The following ANKRD24 variants were observed in gnomAD, a reference collection of about 807,000 sequenced individuals.
ANKRD24 encodes ankyrin repeat domain 24.
In ANKRD24, 109 loss-of-function variants were observed where a neutral mutation model predicts 127.8. The ratio of observed to expected loss-of-function variants is 0.85; its 90% CI spans 0.73 to 1.00. ANKRD24 has a LOEUF of 1.00. Among genes scored for constraint, ANKRD24 ranks in the 50% least tolerant of loss-of-function variants. The probability of loss-of-function intolerance (pLI) is 0.00; values close to 1 mark genes in which losing one functional copy is unlikely to be tolerated. For missense variants in ANKRD24, 1,648 were observed against 1,570.2 expected, an observed-to-expected ratio of 1.05 and a Z score of -0.84; for synonymous variants, 743 against 671.1, an observed-to-expected ratio of 1.11 and a Z score of -1.66.
Position 4,198,615 on chromosome 19 carries a change from G to GA in ANKRD24, c.37-1067dup. Reference sequence around the variant, plus strand: ...CCCTTCCCCGTCCCCGGCTGACCTGGACCACCCCCCCATTCCAGACCCGGG... The same window carrying GA: ...CCCTTCCCCGTCCCCGGCTGACCTGGAACCACCCCCCCATTCCAGACCCGGG... On this transcript the variant is annotated intron_variant, in intron 2 of 21. Coordinates refer to ENST00000318934, the MANE Select transcript of ANKRD24 (RefSeq NM_001393985.1). The surrounding 1 kb of genome is among the most constrained non-coding windows in gnomAD (Gnocchi z 6.1). The GA allele has an allele frequency of 2.4e-6, 1 of 420,728 alleles. No homozygotes were observed. Among genetic ancestry groups the GA allele is most frequent in the Non-Finnish European group, 4.2e-6 (1 of 237,316 alleles). 26.1% of individuals were successfully genotyped at this position (420,728 alleles called of 1,614,324 possible). A position where few individuals can be genotyped will look rare whatever the true frequency, so the allele number is the denominator to read the frequency against.
intron 7 of ANKRD24, among the ~76,000 whole-genome samples, chr19:4,204,449 G>T (rs572661218): frequency 6.6e-6 from 1 of 152,120 alleles, no homozygotes; most frequent in Non-Finnish European, 1.5e-5. Flanking sequence ...AGGAGCAGTC[G>T]AATGTACTCC....
intron 15 of ANKRD24, among the ~76,000 whole-genome samples, chr19:4,214,976 A>C (rs1969975638): frequency 6.6e-6 from 1 of 152,204 alleles, no homozygotes; most frequent in African/African-American, 2.4e-5. Flanking sequence ...AGCTCTTTGC[A>C]TGCCAAATGG....
Position 4,224,576 on chromosome 19 carries a change from A to T in ANKRD24, c.*71A>T. 1 of 1,441,508 alleles carries T rather than the reference A, an allele frequency of 6.9e-7. No individual in the cohort carries two copies. Among genetic ancestry groups the T allele is most frequent in the Non-Finnish European group, 9.5e-7 (1 of 1,049,034 alleles). 89.3% of individuals were successfully genotyped at this position (1,441,508 alleles called of 1,614,324 possible). ...CCTCACCCCCCTGCAGGCCCCTTGC[A>T]GACCGGCTTCACTTGGCTTCACTTG... On this transcript the variant is annotated 3_prime_UTR_variant, in exon 22 of 22. Transcript: ENST00000318934.
At chr19:4,206,181 A>T (rs925512808) in intron 7 of ANKRD24, among the ~76,000 whole-genome samples, 16 of 141,840 alleles carry the variant, frequency 1.1e-4, no homozygotes, top group African/African-American at 3.8e-4. Flanking sequence ...ATAAATAAAT[A>T]AAATTAAATA....
intron 13 of ANKRD24, among the ~76,000 whole-genome samples, chr19:4,211,895 T>C (rs1019700195): frequency 1.3e-5 from 2 of 151,846 alleles, no homozygotes; most frequent in East Asian, 3.9e-4. Flanking sequence ...TGGCACAAAG[T>C]AGGCACCTAA....
At position 4,217,933 on chromosome 19, in the gene ANKRD24, G is replaced by T; in HGVS notation, c.2773G>T (p.Glu925Ter). Residue 925 changes from glutamate (E) to a stop codon, truncating the protein, a stop_gained, in exon 18 of 22, where the codon GAG becomes TAG. Transcript: ENST00000318934. LOFTEE classifies it high-confidence loss of function. ...CTCTGAGCACCGCCGGCTGCAGGAG[G>T]AGGCCCTGGAGCTGCGGGGCCGGGC... is the stretch of plus-strand genomic sequence containing the variant. ...PASEHRRLQE[E>*]ALELRGRAAS... 6.7e-7 allele frequency: 1 copy of T among 1,498,914 alleles called. No individual in the cohort carries two copies. The highest frequency in any genetic ancestry group is 8.8e-7 in the Non-Finnish European group (1 of 1,131,578). The allele number at this position is 1,498,914 out of a possible 1,614,324, so 92.9% of individuals were successfully genotyped here. A position where few individuals can be genotyped will look rare whatever the true frequency, so the allele number is the denominator to read the frequency against.
At chr19:4,191,254 AGTTCAGCTTTT>A (rs1410146207) in intron 2 of ANKRD24, among the ~76,000 whole-genome samples, 1 of 151,998 alleles carries the variant, frequency 6.6e-6, no homozygotes, top group Non-Finnish European at 1.5e-5. Context: ...GCCGGAGTCA[AGTTCAGCTTTT>A]GTTCAGCAGC....
chr19:4,211,830 T>C (rs891656606), intron 13 of ANKRD24, among the ~76,000 whole-genome samples: 2 of 152,086 alleles, frequency 1.3e-5, no homozygotes, highest in African/African-American at 4.8e-5. Flanking sequence ...GAATGGTGCA[T>C]GCTGGCACAC....
At chr19:4,212,326 G>C in intron 13 of ANKRD24, 149 bp from the exon 14 acceptor site, 2 of 878,516 alleles carry the variant, frequency 2.3e-6, no homozygotes, top group Non-Finnish European at 3.5e-6. Flanking sequence ...GCACTCAATA[G>C]TAATGAGTGA....
intron 13 of ANKRD24, 95 bp from the exon 14 acceptor site, chr19:4,212,380 C>A: frequency 7.1e-7 from 1 of 1,405,198 alleles, no homozygotes; most frequent in Non-Finnish European, 9.7e-7. Flanking sequence ...ACGTGGAATG[C>A]GTGAATGTGC....
intron 2 of ANKRD24, among the ~76,000 whole-genome samples, chr19:4,196,139 G>T (rs1007940952): frequency 8.5e-5 from 13 of 152,166 alleles, no homozygotes; most frequent in Admixed American, 1.3e-4. Context: ...AGCCTCAAAT[G>T]CCCACAGTGC....
rs1479781042 is a variant in ANKRD24 at position 4,198,194 on chromosome 19, C to A, written c.37-1489C>A. The A allele has an allele frequency of 1.7e-6, 1 of 574,522 alleles. No homozygotes were observed. The allele number at this position is 574,522 out of a possible 1,614,324, so 35.6% of individuals were successfully genotyped here. A position where few individuals can be genotyped will look rare whatever the true frequency, so the allele number is the denominator to read the frequency against. On this transcript the variant is annotated intron_variant, in intron 2 of 21. Coordinates refer to ENST00000318934, the MANE Select transcript of ANKRD24 (RefSeq NM_001393985.1). This position sits in a 1 kb window ranked among gnomAD's most constrained non-coding sequence, Gnocchi z 6.1. The stretch of plus-strand genomic sequence containing the variant: ...AGCCGGGCCCCCGGCGCCGCGTCCT[C>A]CTCATCCTCCAGGCGACAAGGTCAG...
intron 11 of ANKRD24, among the ~76,000 whole-genome samples, chr19:4,209,600 C>A (rs1969590238): frequency 6.6e-6 from 1 of 152,148 alleles, no homozygotes; most frequent in Non-Finnish European, 1.5e-5. Flanking sequence ...CAGGCGTGCG[C>A]CACCATGCCC....
chr19:4,200,099 A>T lies in ANKRD24; in HGVS notation c.271A>T (p.Met91Leu), dbSNP rs1336335428. Residue 91 changes from methionine to leucine, a missense_variant, in exon 5 of 22, where the codon ATG (methionine) becomes TTG (leucine). Physicochemically the swap from Met to Leu is conservative, Grantham distance 15 (BLOSUM62 2). Transcript: ENST00000318934. ...EGKSAFHLAAMRGAASCLEVM... is the reference protein window; with the variant it reads ...EGKSAFHLAALRGAASCLEVM... The stretch of plus-strand genomic sequence containing the variant: ...CACCTCCAGGTTCCACCTGGCGGCC[A>T]TGCGGGGTGCGGCCAGCTGTCTGGA... The T allele has an allele frequency of 6.3e-7, 1 of 1,599,254 alleles. No homozygotes were observed. The highest frequency in any genetic ancestry group is 2.3e-5 in the East Asian group (1 of 44,176).
rs780883651 is a variant in ANKRD24 at position 4,199,829 on chromosome 19, G to A, written c.124-46G>A. On this transcript the variant is annotated intron_variant, in intron 3 of 21. Transcript: ENST00000318934. This position sits in a 1 kb window ranked among gnomAD's most constrained non-coding sequence, Gnocchi z 5.2. The stretch of plus-strand genomic sequence containing the variant: ...GCCCCTGTCGGGGGCGTGGGGAGGG[G>A]ACAGCAGCCAACACTGCCCCACGCA... 1 of 1,539,592 alleles carries A rather than the reference G, an allele frequency of 6.5e-7. No individual in the cohort carries two copies.
At chr19:4,209,174 G>A (rs546485976) in intron 11 of ANKRD24, among the ~76,000 whole-genome samples, 195 of 152,154 alleles carry the variant, frequency 1.3e-3, no homozygotes, top group African/African-American at 4.6e-3. Context: ...ACAGTGGCTC[G>A]ATCTTGGCTC....
chr19:4,209,404 G>A (rs377469046), intron 11 of ANKRD24, among the ~76,000 whole-genome samples: 2 of 151,154 alleles, frequency 1.3e-5, no homozygotes, highest in Non-Finnish European at 2.9e-5. Context: ...CACTGAGCGC[G>A]ACCCCTCTCC....
chr19:4,196,302 G>C (rs932538338), intron 2 of ANKRD24, among the ~76,000 whole-genome samples: 1 of 152,126 alleles, frequency 6.6e-6, no homozygotes, highest in South Asian at 2.1e-4. Flanking sequence ...CTGCTGCGTC[G>C]TTGCTCTTAA....
intron 2 of ANKRD24, among the ~76,000 whole-genome samples, chr19:4,193,846 A>AGGTAGGGAGGGAGGGAG: frequency 1.9e-5 from 1 of 51,676 alleles, no homozygotes; most frequent in Non-Finnish European, 3.1e-5. Context: ...GGAGGGAGGG[A>AGGTAGGGAGGGAGGGAG]GGAAGGAAGG....
Sources: allele counts gnomAD v4.1 joint callset (sites outside exome capture counted in the v4.1 genomes callset), GRCh38; gene constraint gnomAD v4.1.1; non-coding constraint Gnocchi (gnomAD v3.1); transcripts MANE v1.5; gene names NCBI Gene and HGNC (gene_info 2026-07-23, HGNC 2026-07-21).